The following SLC46A3 variants were observed in gnomAD, a reference collection of about 807,000 sequenced individuals.
SLC46A3 encodes the protein solute carrier family 46 member 3, also known as lysosomal proton-coupled steroid conjugate and bile acid symporter SLC46A3.
A neutral mutation model predicts 38.5 loss-of-function variants in SLC46A3; 26 were observed. That is an observed-to-expected ratio of 0.68 (90% CI 0.49 to 0.94). The LOEUF (loss-of-function observed/expected upper bound fraction) is 0.94. Ranked by LOEUF, SLC46A3 falls within the 40% of genes least tolerant of loss-of-function variation. The pLI is 0.00. For synonymous variants in SLC46A3, 185 were observed against 192.5 expected (o/e 0.96, Z 0.32); for missense variants, 510 against 544.3 (o/e 0.94, Z 0.63).
At chr13:28,712,563 G>A (rs764559502) in intron 3 of SLC46A3, 117 bp downstream of exon 3, 260 of 1,045,992 alleles carry the variant, frequency 2.5e-4, no homozygotes, top group Non-Finnish European at 3.2e-4. Flanking sequence ...CCCTTTAATT[G>A]AACTAGAATG....
intron 3 of SLC46A3, 135 bp downstream of exon 3, chr13:28,712,545 A>T: frequency 1.2e-6 from 1 of 852,072 alleles, no homozygotes; most frequent in Non-Finnish European, 1.6e-6. Context: ...CTGGCAAACT[A>T]GTTATTACCC....
intron 4 of SLC46A3, among the ~76,000 whole-genome samples, chr13:28,706,907 C>A (rs1885186548): frequency 6.6e-6 from 1 of 152,164 alleles, no homozygotes; most frequent in Non-Finnish European, 1.5e-5. Flanking sequence ...ACAACAGGTG[C>A]TAGAGAGGAT....
At chr13:28,708,614 CTTTTTTTTTT>C (rs71190788) in intron 4 of SLC46A3, among the ~76,000 whole-genome samples, 1 of 128,266 alleles carries the variant, frequency 7.8e-6, no homozygotes, top group Non-Finnish European at 1.7e-5. Flanking sequence ...TTTTTCTTTT[CTTTTTTTTTT>C]TTTTTTTTGT....
chr13:28,710,913 C>A (rs1885323612), intron 3 of SLC46A3, 70 bp from the exon 4 acceptor site: 2 of 1,089,868 alleles, frequency 1.8e-6, no homozygotes, highest in African/African-American at 3.1e-5. Context: ...ATAGGAAACA[C>A]TTTCACTCTG....
At chr13:28,716,264 A>G (rs570764542) in intron 2 of SLC46A3, among the ~76,000 whole-genome samples, 9 of 152,280 alleles carry the variant, frequency 5.9e-5, no homozygotes, top group African/African-American at 1.9e-4. Context: ...AGGTTCCAGG[A>G]TGGGATTCAA....
chr13:28,705,962 T>A (rs151062908), intron 4 of SLC46A3, among the ~76,000 whole-genome samples: 95 of 152,324 alleles, frequency 6.2e-4, no homozygotes, highest in African/African-American at 2.1e-3. Context: ...CATACTATTA[T>A]GAAGTAGCTT....
intron 5 of SLC46A3, among the ~76,000 whole-genome samples, chr13:28,703,016 T>C (rs1885072223): frequency 6.6e-6 from 1 of 152,184 alleles, no homozygotes; most frequent in African/African-American, 2.4e-5. Context: ...ATAAATTTGC[T>C]TGGACGTTTC....
At chr13:28,708,071 A>T (rs1311759216) in intron 4 of SLC46A3, among the ~76,000 whole-genome samples, 1 of 152,194 alleles carries the variant, frequency 6.6e-6, no homozygotes, top group Non-Finnish European at 1.5e-5. Flanking sequence ...CATTTTGTTT[A>T]CCCATTTGTC....
At chr13:28,704,775 A>G (rs1329182393) in intron 4 of SLC46A3, among the ~76,000 whole-genome samples, 1 of 152,172 alleles carries the variant, frequency 6.6e-6, no homozygotes, top group Non-Finnish European at 1.5e-5. Context: ...ATGTTAAGTG[A>G]TTCTTTAAAA....
At chr13:28,717,263 C>A (rs1302112524) in intron 2 of SLC46A3, among the ~76,000 whole-genome samples, 1 of 152,116 alleles carries the variant, frequency 6.6e-6, no homozygotes, top group Non-Finnish European at 1.5e-5. Context: ...TGATTTGATA[C>A]CACCACCAAA....
At chr13:28,708,690 A>T (rs1295219767) in intron 4 of SLC46A3, among the ~76,000 whole-genome samples, 2 of 141,950 alleles carry the variant, frequency 1.4e-5, no homozygotes, top group Admixed American at 7.5e-5. Flanking sequence ...CAAACTCCTA[A>T]CCTCGGGTCA....
chr13:28,711,549 T>C (rs577081846), intron 3 of SLC46A3, among the ~76,000 whole-genome samples: 178 of 152,222 alleles, frequency 1.2e-3, no homozygotes, highest in Non-Finnish European at 2.0e-3. Context: ...CTTGGCACTC[T>C]TAGTGTTAGC....
rs1302021920 is a variant in SLC46A3 at position 28,703,942 on chromosome 13, C to T, written c.1301+1G>A. The T allele has an allele frequency of 6.2e-6, 10 of 1,612,626 alleles. No individual in the cohort carries two copies. The highest frequency in any genetic ancestry group is 8.5e-6 in the Non-Finnish European group (10 of 1,179,144). On this transcript the variant is annotated splice_donor_variant, in intron 5 of 5. Transcript: ENST00000266943. LOFTEE classifies it high-confidence loss of function. ...TAAAATGATTAAAAATAATGACATA[C>T]CATAGACTGATGGCTGGAAGTAGTA...
In SLC46A3 at chr13:28,713,020, G is replaced by A; in HGVS notation, c.720C>T (p.Asn240=). The change falls in exon 3 of 6, where the codon AAC becomes AAT. Residue 240 remains asparagine (N), a synonymous_variant. Transcript: ENST00000266943. ...VTMSCSEGFK[N]LFYRTYMLFK... Reference sequence around the variant, plus strand: ...AAAGCATGTAAGTTCGGTAAAATAGGTTTTTGAAGCCTTCACTACATGACA... The same window carrying A: ...AAAGCATGTAAGTTCGGTAAAATAGATTTTTGAAGCCTTCACTACATGACA... 1 of 1,612,540 alleles carries A rather than the reference G, an allele frequency of 6.2e-7. No homozygotes were observed. The highest frequency in any genetic ancestry group is 8.5e-7 in the Non-Finnish European group (1 of 1,179,786).
chr13:28,713,018 A>G lies in SLC46A3; in HGVS notation c.722T>C (p.Leu241Pro). 2 of 1,612,746 alleles carry G rather than the reference A, an allele frequency of 1.2e-6. No homozygotes were observed. The highest frequency in any genetic ancestry group is 1.7e-6 in the Non-Finnish European group (2 of 1,179,818). ...TMSCSEGFKN[L>P]FYRTYMLFKN... ...AAAAAGCATGTAAGTTCGGTAAAAT[A>G]GGTTTTTGAAGCCTTCACTACATGA... Residue 241 changes from leucine to proline, a missense_variant, in exon 3 of 6, where the codon CTA (leucine) becomes CCA (proline). Leu to Pro is a moderately conservative substitution (Grantham distance 98, BLOSUM62 -3). Coordinates refer to ENST00000266943, the MANE Select transcript of SLC46A3 (RefSeq NM_181785.4).
At position 28,717,880 on chromosome 13, in the gene SLC46A3, G is replaced by C. The variant is rs1478325621; in HGVS notation, c.119C>G (p.Thr40Ser). ...RRIWEETGNYTFSSDSNISEC... is the reference protein window; with the variant it reads ...RRIWEETGNYSFSSDSNISEC... ...AGAAATATTGCTATCAGATGAAAAAGTGTAGTTGCCAGTTTCTTCCCATAT... is the reference window on the plus strand; with the variant it reads ...AGAAATATTGCTATCAGATGAAAAACTGTAGTTGCCAGTTTCTTCCCATAT... Residue 40 changes from threonine (T) to serine (S), a missense_variant, in exon 2 of 6, where the codon ACT (threonine) becomes AGT (serine). Thr to Ser is a moderately conservative substitution (Grantham distance 58). Transcript: ENST00000266943. 3.7e-6 allele frequency: 6 copies of C among 1,614,122 alleles called. No homozygotes were observed. The highest frequency in any genetic ancestry group is 3.4e-6 in the Non-Finnish European group (4 of 1,180,026).
Position 28,700,846 on chromosome 13 carries a change from G to A in SLC46A3, c.*651C>T. 1 of 846,136 alleles carries A rather than the reference G, an allele frequency of 1.2e-6. No homozygotes were observed. Among genetic ancestry groups the A allele is most frequent in the Non-Finnish European group, 1.8e-6 (1 of 548,552 alleles). The allele number at this position is 846,136 out of a possible 1,614,324, so 52.4% of individuals were successfully genotyped here. A position where few individuals can be genotyped will look rare whatever the true frequency, so the allele number is the denominator to read the frequency against. ...GTGAAAAATACATATTCTTTAAAGT[G>A]CCTCCCTTTTAAGGATTTTGTATCA... On this transcript the variant is annotated 3_prime_UTR_variant, in exon 6 of 6. Coordinates refer to ENST00000266943, the MANE Select transcript of SLC46A3 (RefSeq NM_181785.4).
At chr13:28,705,983 C>G (rs1222995079) in intron 4 of SLC46A3, among the ~76,000 whole-genome samples, 1 of 152,098 alleles carries the variant, frequency 6.6e-6, no homozygotes, top group Non-Finnish European at 1.5e-5. Context: ...TAGCTTATTG[C>G]CCAACTTCTC....
chr13:28,701,078 G>A lies in SLC46A3; in HGVS notation c.*419C>T. ...ATTATGCCTTCAAAATTATCCCTGA[G>A]AGAGGCCAGAAACCCATTCTGCTGA... On this transcript the variant is annotated 3_prime_UTR_variant, in exon 6 of 6. Transcript: ENST00000266943. The A allele has an allele frequency of 6.8e-7, 1 of 1,475,860 alleles. No individual in the cohort carries two copies. Among genetic ancestry groups the A allele is most frequent in the Non-Finnish European group, 9.0e-7 (1 of 1,112,026 alleles). 91.4% of individuals were successfully genotyped at this position (1,475,860 alleles called of 1,614,324 possible).
Sources: allele counts gnomAD v4.1 joint callset (sites outside exome capture counted in the v4.1 genomes callset), GRCh38; gene constraint gnomAD v4.1.1; transcripts MANE v1.5; gene names NCBI Gene and HGNC (gene_info 2026-07-23, HGNC 2026-07-21).